GRIK4: variants seen among roughly 807,000 people sequenced by gnomAD.
GRIK4 encodes the protein glutamate ionotropic receptor kainate type subunit 4, also known as glutamate receptor ionotropic, kainate 4.
In GRIK4, 40 loss-of-function variants were observed where a neutral mutation model predicts 104.9. That is an observed-to-expected ratio of 0.38 (90% CI 0.30 to 0.50). The LOEUF is 0.50. Ranked by LOEUF, GRIK4 falls within the 20% of genes least tolerant of loss-of-function variation. The probability of loss-of-function intolerance (pLI) is 0.93; values close to 1 mark genes in which losing one functional copy is unlikely to be tolerated. For synonymous variants in GRIK4, 485 were observed against 524.9 expected, an observed-to-expected ratio of 0.92 and a Z score of 1.04; for missense variants, 1,047 against 1,308.1, an observed-to-expected ratio of 0.80 and a Z score of 3.08.
intron 8 of GRIK4, among the ~76,000 whole-genome samples, chr11:120,840,581 A>T (rs73003764): frequency 6.6e-6 from 1 of 152,164 alleles, no homozygotes; most frequent in Non-Finnish European, 1.5e-5. Flanking sequence ...GCAGAGAGCA[A>T]CTATGAGGAA....
intron 8 of GRIK4, chr11:120,859,168 C>G (rs1269351725): frequency 2.0e-5 from 3 of 151,896 alleles, no homozygotes; most frequent in African/African-American, 7.3e-5. Context: ...ACCTTTCTAA[C>G]TTGTGGAACT....
chr11:120,918,343 C>G (rs1232981397), intron 13 of GRIK4, among the ~76,000 whole-genome samples: 1 of 152,236 alleles, frequency 6.6e-6, no homozygotes, highest in Non-Finnish European at 1.5e-5. Context: ...TTCTGATGTA[C>G]TTACCATCCT....
chr11:120,823,503 T>C (rs1442192275), intron 6 of GRIK4, among the ~76,000 whole-genome samples: 1 of 152,170 alleles, frequency 6.6e-6, no homozygotes, highest in Non-Finnish European at 1.5e-5. Context: ...CTTGGAGGTA[T>C]TAAGGGACGC....
chr11:120,666,065 A>T (rs139334970), intron 3 of GRIK4, among the ~76,000 whole-genome samples: 5 of 152,380 alleles, frequency 3.3e-5, no homozygotes, highest in African/African-American at 1.2e-4. Context: ...CCGGGGTCCC[A>T]AAAGGTGAAA....
chr11:120,830,831 G>C (rs532707430), intron 6 of GRIK4, among the ~76,000 whole-genome samples: 57 of 152,178 alleles, frequency 3.7e-4, no homozygotes, highest in South Asian at 1.9e-3. Context: ...CATGGGAATT[G>C]AGACCACACT....
chr11:120,872,594 G>C (rs976199463), intron 9 of GRIK4: 3 of 153,384 alleles, frequency 2.0e-5, no homozygotes, highest in Non-Finnish European at 2.9e-5. Flanking sequence ...ATGGAATGTC[G>C]TGTTTCAGTG....
chr11:120,539,123 A>G (rs1441619189), intron 1 of GRIK4, among the ~76,000 whole-genome samples: 7 of 152,114 alleles, frequency 4.6e-5, no homozygotes, highest in Non-Finnish European at 8.8e-5. Flanking sequence ...CACAGGGAAC[A>G]CTCTATTAGG....
At chr11:120,675,135 T>TG (rs1950078633) in intron 3 of GRIK4, among the ~76,000 whole-genome samples, 8 of 152,266 alleles carry the variant, frequency 5.3e-5, no homozygotes, top group Non-Finnish European at 7.3e-5. Context: ...TGTATGTAAG[T>TG]GAAATCATCT....
chr11:120,929,043 C>T (rs10892646), intron 13 of GRIK4, among the ~76,000 whole-genome samples: 1 of 148,930 alleles, frequency 6.7e-6, no homozygotes. Context: ...GTGTGTGTGT[C>T]TGTGTGTTGG....
At chr11:120,595,131 C>T (rs1948785352) in intron 1 of GRIK4, among the ~76,000 whole-genome samples, 1 of 152,242 alleles carries the variant, frequency 6.6e-6, no homozygotes, top group Non-Finnish European at 1.5e-5. Context: ...TGGCTGAGCA[C>T]ATCCTAACCA....
intron 3 of GRIK4, among the ~76,000 whole-genome samples, chr11:120,749,278 A>G (rs966010424): frequency 6.6e-6 from 1 of 152,098 alleles, no homozygotes; most frequent in African/African-American, 2.4e-5. Flanking sequence ...TCCAAAGTAG[A>G]TGATCTCTGG....
At chr11:120,923,287 T>C (rs1431400991) in intron 13 of GRIK4, among the ~76,000 whole-genome samples, 1 of 151,980 alleles carries the variant, frequency 6.6e-6, no homozygotes, top group Admixed American at 6.5e-5. Flanking sequence ...GCTGGATCTC[T>C]GGGGCTCGTG....
chr11:120,666,766 G>A (rs1057092864), intron 3 of GRIK4, among the ~76,000 whole-genome samples: 1 of 152,174 alleles, frequency 6.6e-6, no homozygotes, highest in African/African-American at 2.4e-5. Flanking sequence ...GAGCAGCGTG[G>A]CCAGTGGACC....
chr11:120,868,174 A>C (rs1184453098), intron 9 of GRIK4: 2 of 152,208 alleles, frequency 1.3e-5, no homozygotes, highest in African/African-American at 4.8e-5. Context: ...GGGAGGGGGA[A>C]GGAACTCAGC....
intron 8 of GRIK4, among the ~76,000 whole-genome samples, chr11:120,837,761 C>T (rs1358540968): frequency 6.6e-6 from 1 of 151,968 alleles, no homozygotes; most frequent in Non-Finnish European, 1.5e-5. Context: ...TTAGACTACT[C>T]CCAGAGCAAA....
intron 11 of GRIK4, among the ~76,000 whole-genome samples, chr11:120,893,472 G>A (rs912441091): frequency 8.5e-5 from 13 of 152,210 alleles, no homozygotes; most frequent in African/African-American, 3.1e-4. Context: ...GGCCTTGTCT[G>A]GAATCCTATT....
chr11:120,862,190 C>A (rs754998300), intron 9 of GRIK4, 70 bp downstream of exon 9: 82 of 1,314,012 alleles, frequency 6.2e-5, no homozygotes, highest in Non-Finnish European at 8.1e-5. Context: ...GGGCCAACCC[C>A]TGGGCAACAC....
chr11:120,534,092 C>T (rs562989982), intron 1 of GRIK4, among the ~76,000 whole-genome samples: 63 of 151,952 alleles, frequency 4.1e-4, no homozygotes, highest in African/African-American at 1.4e-3. Flanking sequence ...AGCCAGGCAC[C>T]GGGGTACAGA....
Position 120,952,689 on chromosome 11 carries a change from G to A in GRIK4, c.1591-166G>A, listed in dbSNP as rs1022795936. ...TGGGTCGTGTCATTTGCGCAGCCCG[G>A]CAACACCCTCATTCCCAGTGTCATT... On this transcript the variant is annotated intron_variant, in intron 14 of 20. Coordinates refer to ENST00000527524, the MANE Select transcript of GRIK4 (RefSeq NM_014619.5). This position sits in a 1 kb window ranked among gnomAD's most constrained non-coding sequence, Gnocchi z 5.2. Among the ~76,000 whole-genome samples the A allele has an allele frequency of 2.6e-5, 4 of 152,154 alleles. No homozygotes were observed. The highest frequency in any genetic ancestry group is 7.2e-5 in the African/African-American group (3 of 41,420).
Sources: allele counts gnomAD v4.1 joint callset (sites outside exome capture counted in the v4.1 genomes callset), GRCh38; gene constraint gnomAD v4.1.1; non-coding constraint Gnocchi (gnomAD v3.1); transcripts MANE v1.5; gene names NCBI Gene and HGNC (gene_info 2026-07-23, HGNC 2026-07-21).